The following CDIN1 variants were observed in gnomAD, a reference collection of about 807,000 sequenced individuals.
CDIN1 encodes the protein CDAN1 interacting nuclease 1.
CDIN1 carries 33 observed loss-of-function variants against 45.3 expected under a neutral mutation model. That is an observed-to-expected ratio of 0.73 (90% CI 0.55 to 0.97). CDIN1 has a LOEUF of 0.97. Ranked by LOEUF, CDIN1 falls within the 50% of genes least tolerant of loss-of-function variation. The probability of loss-of-function intolerance (pLI) is 0.00; values close to 1 mark genes in which losing one functional copy is unlikely to be tolerated. For synonymous variants in CDIN1, 118 were observed against 124.4 expected (o/e 0.95, Z 0.34); for missense variants, 303 against 339.4 (o/e 0.89, Z 0.84).
At chr15:36,647,295 G>A (rs1282012848) in intron 3 of CDIN1, among the ~76,000 whole-genome samples, 2 of 152,092 alleles carry the variant, frequency 1.3e-5, no homozygotes, top group East Asian at 3.9e-4. Context: ...AAAGTGCTGG[G>A]ATTACACGCC....
chr15:36,680,062 T>C (rs1161489578), intron 5 of CDIN1, among the ~76,000 whole-genome samples: 1 of 152,236 alleles, frequency 6.6e-6, no homozygotes, highest in African/African-American at 2.4e-5. Context: ...TTGTCTTCTT[T>C]CCCAAGCTTG....
intron 10 of CDIN1, among the ~76,000 whole-genome samples, chr15:36,787,820 C>G (rs1186224328): frequency 1.3e-5 from 2 of 151,258 alleles, no homozygotes; most frequent in Non-Finnish European, 2.9e-5. Flanking sequence ...GGAATCATAG[C>G]AAAGACCAAA....
chr15:36,626,623 A>G (rs1020984923), intron 1 of CDIN1: 5 of 311,374 alleles, frequency 1.6e-5, no homozygotes, highest in African/African-American at 6.7e-5. Flanking sequence ...TTCCACTTAA[A>G]TGCAGTTTCT....
intron 10 of CDIN1, among the ~76,000 whole-genome samples, chr15:36,757,387 C>T (rs938861301): frequency 3.9e-5 from 6 of 152,092 alleles, no homozygotes; most frequent in Admixed American, 1.3e-4. Flanking sequence ...CCACTTGGGT[C>T]GAGACCTCAT....
intron 1 of CDIN1, among the ~76,000 whole-genome samples, chr15:36,590,869 G>A (rs4923716): frequency 0.57 from 86,548 of 152,000 alleles, 25,082 homozygotes; most frequent in Middle Eastern, 0.68. Flanking sequence ...TTGGGATGCC[G>A]GTGTTGGCTA....
chr15:36,697,401 T>A lies in CDIN1; in HGVS notation c.544+11T>A. On this transcript the variant is annotated intron_variant, in intron 8 of 10. Transcript: ENST00000566621. Reference sequence around the variant, plus strand: ...ACCTGTCCTTCCTAGGTAAGTATTATTCACATCTTCTCTAGCTTGTGTTGT... The same window carrying A: ...ACCTGTCCTTCCTAGGTAAGTATTAATCACATCTTCTCTAGCTTGTGTTGT... The A allele has an allele frequency of 6.3e-7, 1 of 1,599,450 alleles. No homozygotes were observed. Among genetic ancestry groups the A allele is most frequent in the Non-Finnish European group, 8.5e-7 (1 of 1,171,410 alleles).
intron 10 of CDIN1, among the ~76,000 whole-genome samples, chr15:36,761,377 T>C (rs1167264572): frequency 1.3e-5 from 2 of 152,254 alleles, no homozygotes; most frequent in African/African-American, 4.8e-5. Flanking sequence ...ACCTCAGATT[T>C]ACATATAGCA....
At chr15:36,792,554 A>AT (rs1249443912) in intron 10 of CDIN1, among the ~76,000 whole-genome samples, 2 of 93,084 alleles carry the variant, frequency 2.1e-5, no homozygotes, top group Non-Finnish European at 4.1e-5. Flanking sequence ...ATAGTTTTCA[A>AT]TTTTTTTGAA....
At chr15:36,667,495 A>G (rs1212256203) in intron 5 of CDIN1, among the ~76,000 whole-genome samples, 2 of 152,200 alleles carry the variant, frequency 1.3e-5, no homozygotes, top group South Asian at 2.1e-4. Flanking sequence ...ATCTAGGAAG[A>G]AATCCTATGG....
At position 36,618,623 on chromosome 15, in the gene CDIN1, A is replaced by G. The variant is rs2039007666; in HGVS notation, c.102-25655A>G. ...GATGTTGTTAAAGGTGTCTACAAAG[A>G]AAAGGATAATGAAGTGTTGAGAGTT... is the stretch of plus-strand genomic sequence containing the variant. On this transcript the variant is annotated intron_variant, in intron 1 of 10. Coordinates refer to ENST00000566621, the MANE Select transcript of CDIN1 (RefSeq NM_001321759.2). The G allele has an allele frequency of 3.6e-6, 3 of 822,106 alleles. No homozygotes were observed. In the Admixed American group the frequency reaches 5.1e-5, roughly 14 times the overall value. The allele number at this position is 822,106 out of a possible 1,614,324, so 50.9% of individuals were successfully genotyped here.
Position 36,709,963 on chromosome 15 carries a change from T to C in CDIN1, c.716+2T>C. On this transcript the variant is annotated splice_donor_variant, in intron 10 of 10. Coordinates refer to ENST00000566621, the MANE Select transcript of CDIN1 (RefSeq NM_001321759.2). LOFTEE classifies it high-confidence loss of function. ...CCAGTTCTGGAGCTACTGGAATAGG[T>C]AAGGTCTCATTATTTTTCTTTTAAG... The C allele has an allele frequency of 6.3e-7, 1 of 1,596,760 alleles. No individual in the cohort carries two copies. The highest frequency in any genetic ancestry group is 8.6e-7 in the Non-Finnish European group (1 of 1,167,294).
rs143117355 is a variant in CDIN1 at position 36,747,123 on chromosome 15, G to A, written c.716+37162G>A. ...TGTTGGAAATTTCTCAGCAGTTAGT[G>A]CATTAAAAAAAAAAAAGTTTCAACC... On this transcript the variant is annotated intron_variant, in intron 10 of 10. Coordinates refer to ENST00000566621, the MANE Select transcript of CDIN1 (RefSeq NM_001321759.2). 473 of 393,274 alleles carry A rather than the reference G, an allele frequency of 1.2e-3. 6 individuals carry two copies. Among genetic ancestry groups the A allele is most frequent in the African/African-American group, 9.3e-3 (447 of 47,926 alleles). 24.4% of individuals were successfully genotyped at this position (393,274 alleles called of 1,614,324 possible).
At chr15:36,587,731 A>G (rs2037374028) in intron 1 of CDIN1, among the ~76,000 whole-genome samples, 1 of 152,150 alleles carries the variant, frequency 6.6e-6, no homozygotes, top group Non-Finnish European at 1.5e-5. Flanking sequence ...TTTCTTCCTG[A>G]GAAATGATAG....
chr15:36,744,893 A>G (rs1015857693), intron 10 of CDIN1, among the ~76,000 whole-genome samples: 1 of 152,180 alleles, frequency 6.6e-6, no homozygotes, highest in Non-Finnish European at 1.5e-5. Flanking sequence ...ATTGACCTGA[A>G]TACTGCCATG....
intron 1 of CDIN1, chr15:36,617,335 A>G (rs995390568): frequency 2.7e-6 from 4 of 1,482,250 alleles, no homozygotes; most frequent in Non-Finnish European, 3.8e-6. Context: ...AAGAAATACT[A>G]CAGGCATTGA....
Position 36,759,417 on chromosome 15 carries a change from T to C in CDIN1, c.717-48907T>C, listed in dbSNP as rs547631592. Among the ~76,000 whole-genome samples the C allele has an allele frequency of 3.9e-5, 6 of 152,296 alleles. No homozygotes were observed. The South Asian group carries it at 6.2e-4, about 16-fold the overall frequency. The stretch of plus-strand genomic sequence containing the variant: ...GTCTTTCCCTGCATCAGCCCCACTT[T>C]GGAGATATTCTTTATTTTCCTCACA... On this transcript the variant is annotated intron_variant, in intron 10 of 10. Transcript: ENST00000566621.
chr15:36,734,579 A>C (rs1244655488), intron 10 of CDIN1, among the ~76,000 whole-genome samples: 1 of 152,114 alleles, frequency 6.6e-6, no homozygotes, highest in Non-Finnish European at 1.5e-5. Context: ...TCGTCACCTC[A>C]GCCTGCCTAG....
At chr15:36,692,841 C>T (rs1255853189) in intron 7 of CDIN1, among the ~76,000 whole-genome samples, 2 of 152,144 alleles carry the variant, frequency 1.3e-5, no homozygotes, top group Non-Finnish European at 2.9e-5. Flanking sequence ...CAGACAGTAA[C>T]TACATAAAGT....
At chr15:36,731,428 TTTAAGA>T (rs1277267241) in intron 10 of CDIN1, among the ~76,000 whole-genome samples, 78 of 152,250 alleles carry the variant, frequency 5.1e-4, no homozygotes, top group African/African-American at 1.7e-3. Context: ...GTCATTCATA[TTTAAGA>T]TTTTCAAAAA....
Sources: allele counts gnomAD v4.1 joint callset (sites outside exome capture counted in the v4.1 genomes callset), GRCh38; gene constraint gnomAD v4.1.1; transcripts MANE v1.5; gene names NCBI Gene and HGNC (gene_info 2026-07-23, HGNC 2026-07-21).